The following PRKG1 variants were observed in gnomAD, a reference collection of about 807,000 sequenced individuals.
PRKG1 encodes the protein cGMP-dependent protein kinase 1.
In PRKG1, 35 loss-of-function variants were observed where a neutral mutation model predicts 88.1. The ratio of observed to expected loss-of-function variants is 0.40; its 90% CI spans 0.30 to 0.53. PRKG1 has a LOEUF of 0.53. PRKG1 is among the 20% of genes least tolerant of loss of function. PRKG1 has a pLI of 0.59. For synonymous variants in PRKG1, 303 were observed against 292.5 expected, an observed-to-expected ratio of 1.04 and a Z score of -0.37; for missense variants, 540 against 839.8, an observed-to-expected ratio of 0.64 and a Z score of 4.41.
chr10:52,006,382 A>G (rs941407407), intron 5 of PRKG1, among the ~76,000 whole-genome samples: 3 of 152,218 alleles, frequency 2.0e-5, no homozygotes, highest in Admixed American at 6.5e-5. Context: ...GAATCTAAGA[A>G]TCATAATAAA....
chr10:51,759,481 G>T (rs1353262361), intron 3 of PRKG1, among the ~76,000 whole-genome samples: 1 of 152,054 alleles, frequency 6.6e-6, no homozygotes, highest in Non-Finnish European at 1.5e-5. Context: ...TGGCCAGGTT[G>T]GTCTCAAACT....
chr10:51,954,888 C>A (rs999198352), intron 5 of PRKG1, among the ~76,000 whole-genome samples: 3 of 152,208 alleles, frequency 2.0e-5, no homozygotes, highest in African/African-American at 7.2e-5. Flanking sequence ...CAACCATGTA[C>A]CTACCTATCA....
chr10:51,835,884 A>G (rs960656485), intron 4 of PRKG1, among the ~76,000 whole-genome samples: 12 of 152,096 alleles, frequency 7.9e-5, no homozygotes, highest in African/African-American at 2.7e-4. Flanking sequence ...TCACATCCTC[A>G]CTGATACTTG....
At chr10:52,004,729 T>A (rs10508950) in intron 5 of PRKG1, among the ~76,000 whole-genome samples, 44,973 of 152,044 alleles carry the variant, frequency 0.3, 6,766 homozygotes, top group Non-Finnish European at 0.33. Context: ...GCTGCTATTG[T>A]TACCATATTA....
At chr10:51,318,575 G>A (rs554527647) in intron 2 of PRKG1, among the ~76,000 whole-genome samples, 10 of 152,256 alleles carry the variant, frequency 6.6e-5, no homozygotes, top group South Asian at 2.1e-4. Context: ...GGGTGGAGTC[G>A]GGTAAGGAGT....
At chr10:51,915,373 C>A (rs1266355988) in intron 5 of PRKG1, among the ~76,000 whole-genome samples, 2 of 152,238 alleles carry the variant, frequency 1.3e-5, no homozygotes, top group African/African-American at 2.4e-5. Context: ...CCATTTAAAG[C>A]CAAGCTGGAA....
At chr10:51,011,297 A>G (rs2132724071) in intron 1 of PRKG1, among the ~76,000 whole-genome samples, 1 of 152,144 alleles carries the variant, frequency 6.6e-6, no homozygotes, top group African/African-American at 2.4e-5. Context: ...ACCCACCAGT[A>G]ACACCAGTAA....
chr10:51,768,273 A>G (rs930975069), intron 3 of PRKG1, among the ~76,000 whole-genome samples: 5 of 152,126 alleles, frequency 3.3e-5, no homozygotes, highest in East Asian at 1.9e-4. Flanking sequence ...GAAGATTTTT[A>G]TATCAGGTTT....
At chr10:51,157,535 T>G (rs1173855862) in intron 2 of PRKG1, among the ~76,000 whole-genome samples, 1 of 151,886 alleles carries the variant, frequency 6.6e-6, no homozygotes, top group African/African-American at 2.4e-5. Context: ...CTACATTCAT[T>G]CAAAATAAAA....
intron 2 of PRKG1, among the ~76,000 whole-genome samples, chr10:51,296,014 G>T (rs1840711817): frequency 6.6e-6 from 1 of 151,964 alleles, no homozygotes; most frequent in Non-Finnish European, 1.5e-5. Flanking sequence ...TTACACCCCA[G>T]GGATAAATAC....
At chr10:51,654,845 C>T (rs989400585) in intron 3 of PRKG1, among the ~76,000 whole-genome samples, 6 of 152,118 alleles carry the variant, frequency 3.9e-5, no homozygotes, top group Admixed American at 3.3e-4. Flanking sequence ...AATTTCTCTG[C>T]ACATTTTAAG....
chr10:51,018,140 A>G (rs1397516609), intron 1 of PRKG1, among the ~76,000 whole-genome samples: 1 of 152,148 alleles, frequency 6.6e-6, no homozygotes, highest in Admixed American at 6.5e-5. Flanking sequence ...TTTTACATAT[A>G]TTAATTAATT....
At chr10:52,171,785 A>ATTTTTTTTTTTTTTT (rs1358641112) in intron 9 of PRKG1, among the ~76,000 whole-genome samples, 28 of 122,674 alleles carry the variant, frequency 2.3e-4, no homozygotes, top group African/African-American at 8.7e-4. Context: ...CTTTTATCAA[A>ATTTTTTTTTTTTTTT]ATTTTTTTTT....
intron 3 of PRKG1, among the ~76,000 whole-genome samples, chr10:51,666,728 A>T (rs190351477): frequency 1.8e-4 from 27 of 152,272 alleles, no homozygotes; most frequent in African/African-American, 6.3e-4. Flanking sequence ...CCTTGGCTAA[A>T]TCTTTAAAAG....
chr10:52,263,211 A>G (rs1344435975), intron 10 of PRKG1, among the ~76,000 whole-genome samples: 1 of 152,140 alleles, frequency 6.6e-6, no homozygotes, highest in Non-Finnish European at 1.5e-5. Context: ...CAGAAATTAG[A>G]GTTTAAAAAT....
intron 7 of PRKG1, among the ~76,000 whole-genome samples, chr10:52,117,721 CTCTG>C (rs1847722548): frequency 1.3e-5 from 2 of 151,766 alleles, no homozygotes; most frequent in Non-Finnish European, 2.9e-5. Flanking sequence ...TCCCTTCTTC[CTCTG>C]TCTTTTAATC....
chr10:51,784,628 C>G (rs1838682518), intron 3 of PRKG1, among the ~76,000 whole-genome samples: 1 of 152,056 alleles, frequency 6.6e-6, no homozygotes, highest in Non-Finnish European at 1.5e-5. Flanking sequence ...ATTGGAGCAA[C>G]CCAATTGAAC....
chr10:51,595,016 TATG>T (rs1838407442), intron 3 of PRKG1, among the ~76,000 whole-genome samples: 1 of 152,174 alleles, frequency 6.6e-6, no homozygotes, highest in Non-Finnish European at 1.5e-5. Context: ...CTCCTGGATG[TATG>T]ATAATGGAAT....
intron 9 of PRKG1, among the ~76,000 whole-genome samples, chr10:52,184,229 T>A (rs1004486382): frequency 6.6e-6 from 1 of 152,232 alleles, no homozygotes; most frequent in Non-Finnish European, 1.5e-5. Context: ...TAACTTTGTA[T>A]TATTCAAGCA....
Sources: gnomAD v4.1 joint callset for allele counts (sites outside exome capture counted in the v4.1 genomes callset) on GRCh38, gnomAD v4.1.1 for gene constraint, MANE v1.5 for transcripts, NCBI Gene and HGNC (gene_info 2026-07-23, HGNC 2026-07-21) for gene names.